STK3: variants seen among roughly 807,000 people sequenced by gnomAD.
The protein encoded by STK3 is serine/threonine-protein kinase 3.
A neutral mutation model predicts 58.0 loss-of-function variants in STK3; 41 were observed. The ratio of observed to expected loss-of-function variants is 0.71; its 90% CI spans 0.55 to 0.92. The LOEUF (loss-of-function observed/expected upper bound fraction) is 0.92. Among genes scored for constraint, STK3 ranks in the 40% least tolerant of loss-of-function variants. The probability of loss-of-function intolerance (pLI) is 0.00; values close to 1 mark genes in which losing one functional copy is unlikely to be tolerated. For synonymous variants in STK3, 170 were observed against 191.0 expected (o/e 0.89, Z 0.91); for missense variants, 479 against 602.7 (o/e 0.79, Z 2.15).
chr8:98,545,413 A>G (rs1204615330), intron 9 of STK3, among the ~76,000 whole-genome samples: 1 of 152,192 alleles, frequency 6.6e-6, no homozygotes, highest in Admixed American at 6.5e-5. Flanking sequence ...CATTGCTAAA[A>G]ACAGGTTTAG....
intron 8 of STK3, among the ~76,000 whole-genome samples, chr8:98,569,063 A>G (rs1387566203): frequency 6.6e-6 from 1 of 152,216 alleles, no homozygotes; most frequent in Non-Finnish European, 1.5e-5. Flanking sequence ...TCAAACATTC[A>G]AAGAATCAGG....
upstream of STK3, chr8:98,388,277 G>A (rs540170298): frequency 2.0e-5 from 3 of 152,276 alleles, no homozygotes; most frequent in South Asian, 4.1e-4. Flanking sequence ...GATAGAATTA[G>A]ACTGTCATCA....
chr8:98,816,409 G>T (rs999046035), intron 1 of STK3, among the ~76,000 whole-genome samples: 1 of 152,084 alleles, frequency 6.6e-6, no homozygotes, highest in Non-Finnish European at 1.5e-5. Flanking sequence ...TCCTCAGAAG[G>T]CTGAGGCAGG....
intron 3 of STK3, among the ~76,000 whole-genome samples, chr8:98,850,701 C>T (rs1344470593): frequency 2.0e-5 from 3 of 152,110 alleles, no homozygotes; most frequent in Admixed American, 6.5e-5. Context: ...AGTGTGACTG[C>T]GACGTGCAGT....
rs1223135189 is a variant in STK3, at chr8:98,574,102, C to CAA, written c.948+5561_948+5562insTT. Among the ~76,000 whole-genome samples, 9 of 151,742 alleles carry CAA rather than the reference C, an allele frequency of 5.9e-5. No homozygotes were observed. In the East Asian group the frequency reaches 1.8e-3, roughly 30 times the overall value. The stretch of plus-strand genomic sequence containing the variant: ...AATTAAAGATGAAATTTGGGTAGGG[C>CAA]CACAGCCAAACCATATCAACTGTTG... On this transcript the variant is annotated intron_variant, in intron 8 of 10. Transcript: ENST00000419617.
In STK3 at chr8:98,938,219, T is replaced by G. The variant is rs1007527942; in HGVS notation, c.-79+4159A>C. On this transcript the variant is annotated intron_variant, in intron 1 of 1. Transcript: ENST00000519420. Reference sequence around the variant, plus strand: ...AGAGGCTTCCAGTTAGACGGGATTTTGGGGAGGCAAAGTGCCTTCTATTGT... The same window carrying G: ...AGAGGCTTCCAGTTAGACGGGATTTGGGGGAGGCAAAGTGCCTTCTATTGT... Among the ~76,000 whole-genome samples, 8 of 152,084 alleles carry G rather than the reference T, an allele frequency of 5.3e-5. 1 individual carries two copies. In the Middle Eastern group the frequency reaches 0.014, roughly 260 times the overall value.
intron 1 of STK3, chr8:98,904,637 C>A: frequency 1.6e-6 from 1 of 619,324 alleles, no homozygotes; most frequent in Non-Finnish European, 3.1e-6. Context: ...ATAGTGCTCC[C>A]GTTCATACCG....
chr8:98,685,762 G>A (rs1823942793), intron 6 of STK3, among the ~76,000 whole-genome samples: 1 of 151,922 alleles, frequency 6.6e-6, no homozygotes, highest in Non-Finnish European at 1.5e-5. Context: ...AAAAAATAGG[G>A]AAGAGAAAGG....
At chr8:98,695,672 T>G (rs1417942204) in intron 6 of STK3, among the ~76,000 whole-genome samples, 1 of 152,208 alleles carries the variant, frequency 6.6e-6, no homozygotes, top group Non-Finnish European at 1.5e-5. Flanking sequence ...TGAAGCATTA[T>G]TTCTGAGGGC....
intron 1 of STK3, among the ~76,000 whole-genome samples, chr8:98,888,520 T>C (rs1838079004): frequency 6.6e-6 from 1 of 152,168 alleles, no homozygotes; most frequent in South Asian, 2.1e-4. Flanking sequence ...TTTCAAACTT[T>C]GTAAAGCAGT....
At chr8:98,701,179 T>C (rs1457293973) in intron 6 of STK3, among the ~76,000 whole-genome samples, 1 of 106,396 alleles carries the variant, frequency 9.4e-6, no homozygotes, top group African/African-American at 3.8e-5. Flanking sequence ...GTCACATGGA[T>C]GGAAGGAAGG....
chr8:98,709,684 A>G (rs1046793034), intron 4 of STK3, among the ~76,000 whole-genome samples: 2 of 152,226 alleles, frequency 1.3e-5, no homozygotes, highest in African/African-American at 2.4e-5. Flanking sequence ...AGAATGGAGA[A>G]GAAACCACAT....
intron 1 of STK3, among the ~76,000 whole-genome samples, chr8:98,823,679 A>T (rs1835057145): frequency 6.6e-6 from 1 of 152,110 alleles, no homozygotes; most frequent in South Asian, 2.1e-4. Context: ...ATTAGTCCCC[A>T]TTATCTTTTG....
intron 6 of STK3, chr8:98,597,639 G>A (rs542005122): frequency 2.0e-6 from 2 of 985,268 alleles, no homozygotes; most frequent in African/African-American, 3.5e-5. Context: ...TGAATCTGCT[G>A]TAATTAGACT....
At chr8:98,614,503 A>G (rs1817493210) in intron 6 of STK3, among the ~76,000 whole-genome samples, 2 of 152,120 alleles carry the variant, frequency 1.3e-5, no homozygotes. Context: ...TCCCAGCGAG[A>G]GCGATGCAGA....
intron 4 of STK3, among the ~76,000 whole-genome samples, chr8:98,747,089 C>CAAAAAAAA: frequency 1.3e-5 from 1 of 78,654 alleles, no homozygotes; most frequent in Non-Finnish European, 2.7e-5. Flanking sequence ...ACATTTTCAC[C>CAAAAAAAA]AAAAAAAAAA....
intron 6 of STK3, among the ~76,000 whole-genome samples, chr8:98,602,547 G>C (rs1191387188): frequency 1.3e-5 from 2 of 152,156 alleles, no homozygotes; most frequent in African/African-American, 4.8e-5. Context: ...AACCCAAACA[G>C]ACTATACAAT....
At chr8:98,597,647 A>C (rs1815944715) in intron 6 of STK3, 1 of 985,276 alleles carries the variant, frequency 1.0e-6, no homozygotes, top group Non-Finnish European at 1.2e-6. Flanking sequence ...CTGTAATTAG[A>C]CTAATTTAAA....
intron 1 of STK3, among the ~76,000 whole-genome samples, chr8:98,892,437 C>T (rs149644585): frequency 6.6e-6 from 1 of 152,306 alleles, no homozygotes; most frequent in African/African-American, 2.4e-5. Flanking sequence ...GCTGGGTCCT[C>T]AAGGCCCTCA....
Sources: allele counts gnomAD v4.1 joint callset (sites outside exome capture counted in the v4.1 genomes callset), GRCh38; gene constraint gnomAD v4.1.1; transcripts MANE v1.5; gene names NCBI Gene and HGNC (gene_info 2026-07-23, HGNC 2026-07-21).